The following ABHD2 variants were observed in gnomAD, a reference collection of about 807,000 sequenced individuals.
The protein encoded by ABHD2 is abhydrolase domain containing 2, acylglycerol lipase, also known as monoacylglycerol lipase ABHD2.
In ABHD2, 20 loss-of-function variants were observed where a neutral mutation model predicts 48.1. The ratio of observed to expected loss-of-function variants is 0.42; its 90% CI spans 0.29 to 0.60. ABHD2 has a LOEUF of 0.60. Among genes scored for constraint, ABHD2 ranks in the 20% least tolerant of loss-of-function variants. The pLI is 0.24. For missense variants in ABHD2, 405 were observed against 550.9 expected (o/e 0.74, Z 2.65); for synonymous variants, 209 against 214.2 (o/e 0.98, Z 0.21).
At chr15:89,194,854 C>T (rs576403611) in intron 10 of ABHD2, among the ~76,000 whole-genome samples, 182 of 152,294 alleles carry the variant, frequency 1.2e-3, no homozygotes, top group Non-Finnish European at 2.2e-3. Flanking sequence ...ATTCCCTTCC[C>T]TCACTCCTCT....
rs558995214 is a variant in ABHD2 at position 89,164,344 on chromosome 15, A to G, written c.538+8810A>G. Among the ~76,000 whole-genome samples the G allele has an allele frequency of 2.6e-5, 4 of 152,246 alleles. No individual in the cohort carries two copies. The highest frequency in any genetic ancestry group is 9.6e-5 in the African/African-American group (4 of 41,550). On this transcript the variant is annotated intron_variant, in intron 5 of 10. Transcript: ENST00000352732. The surrounding 1 kb of genome is among the most constrained non-coding windows in gnomAD (Gnocchi z 5.0). ...CCAGATCTGCATTTCTAATTTTTAT[A>G]TTATTGTGTGTTAATCTCCTCCATC...
At chr15:89,058,580 AGGG>A in the ABHD2 span, among the ~76,000 whole-genome samples, 1 of 152,106 alleles carries the variant, frequency 6.6e-6, no homozygotes, top group African/African-American at 2.4e-5. Flanking sequence ...CTCTGGGCCC[AGGG>A]GATGGGGACA....
chr15:89,152,062 A>G (rs2050600149), intron 4 of ABHD2, among the ~76,000 whole-genome samples: 1 of 149,414 alleles, frequency 6.7e-6, no homozygotes, highest in Admixed American at 6.8e-5. Flanking sequence ...GCTCTTCAGA[A>G]CTCATTGTAG....
At chr15:89,062,777 A>C in the ABHD2 span, among the ~76,000 whole-genome samples, 1 of 152,164 alleles carries the variant, frequency 6.6e-6, no homozygotes. Flanking sequence ...GCAGTTTCAG[A>C]AGCTGTTCGA....
At chr15:89,119,658 C>T (rs1024755771) in intron 3 of ABHD2, among the ~76,000 whole-genome samples, 1 of 152,112 alleles carries the variant, frequency 6.6e-6, no homozygotes, top group Non-Finnish European at 1.5e-5. Flanking sequence ...GGGAAGTGAA[C>T]AGGGACTTTT....
Position 89,200,939 on chromosome 15 carries a change from GGGT to G in ABHD2, c.*5518_*5520del, listed in dbSNP as rs898587404. 1.1e-5 allele frequency: 5 copies of G among 457,680 alleles called. No homozygotes were observed. Among genetic ancestry groups the G allele is most frequent in the African/African-American group, 1.0e-4 (5 of 48,904 alleles). The allele number at this position is 457,680 out of a possible 1,614,324, so 28.4% of individuals were successfully genotyped here. On this transcript the variant is annotated 3_prime_UTR_variant, in exon 11 of 11. Coordinates refer to ENST00000352732, the MANE Select transcript of ABHD2 (RefSeq NM_152924.5). ...TCTACTAAAAATGCAAAAATTAGCTGGGTGTGGTGGCGGGCGCCTGTAATCCCA... is the reference window on the plus strand; with the variant it reads ...TCTACTAAAAATGCAAAAATTAGCTGGTGGTGGCGGGCGCCTGTAATCCCA...
the ABHD2 span, among the ~76,000 whole-genome samples, chr15:89,053,713 C>G: frequency 6.6e-6 from 1 of 152,176 alleles, no homozygotes. Flanking sequence ...AGCAGAGACT[C>G]AAGGGTGAAT....
Position 89,188,197 on chromosome 15 carries a change from G to A in ABHD2, c.820G>A (p.Ala274Thr), listed in dbSNP as rs116127688. ...MKKIILSHRQ[A>T]LFGDHVKKPQ... Reference sequence around the variant, plus strand: ...TTGCTTTTGTGTTTGCTCTAGGCAAGCTCTTTTTGGAGACCATGTTAAGAA... The same window carrying A: ...TTGCTTTTGTGTTTGCTCTAGGCAAACTCTTTTTGGAGACCATGTTAAGAA... Residue 274 changes from alanine (A) to threonine (T), a missense_variant, in exon 8 of 11, where the codon GCT becomes ACT. Transcript: ENST00000352732. This position sits in a 1 kb window ranked among gnomAD's most constrained non-coding sequence, Gnocchi z 4.1. 432 of 1,614,130 alleles carry A rather than the reference G, an allele frequency of 2.7e-4. 1 individual carries two copies. The African/African-American group carries it at 5.4e-3, about 20-fold the overall frequency.
chr15:89,055,577 C>T, the ABHD2 span, among the ~76,000 whole-genome samples: 4 of 152,198 alleles, frequency 2.6e-5, no homozygotes, highest in South Asian at 2.1e-4. Context: ...ACAAGCGATC[C>T]GCTGGCCTCG....
At chr15:89,183,914 G>T (rs1489393746) in intron 6 of ABHD2, among the ~76,000 whole-genome samples, 1 of 152,166 alleles carries the variant, frequency 6.6e-6, no homozygotes, top group Non-Finnish European at 1.5e-5. Flanking sequence ...GAGGCAGCTG[G>T]TTGTGGCTCG....
At position 89,114,176 on chromosome 15, in the gene ABHD2, A is replaced by C. The variant is rs2049918751; in HGVS notation, c.-7+352A>C. On this transcript the variant is annotated intron_variant, in intron 2 of 10. Transcript: ENST00000352732. The surrounding 1 kb of genome is among the most constrained non-coding windows in gnomAD (Gnocchi z 4.2). ...TTGGCATCCGTGGCAGGGTTTGGAC[A>C]AGGTGAGGAATGGCAGCCACAGGTT... 6.6e-6 allele frequency among the ~76,000 whole-genome samples: 1 copy of C among 152,200 alleles called. No individual in the cohort carries two copies. Among genetic ancestry groups the C allele is most frequent in the African/African-American group, 2.4e-5 (1 of 41,448 alleles).
chr15:89,115,409 T>C (rs1310012874), intron 2 of ABHD2, among the ~76,000 whole-genome samples: 1 of 134,910 alleles, frequency 7.4e-6, no homozygotes, highest in East Asian at 2.0e-4. Context: ...TGTGTGTGTG[T>C]GTGTGTGTGT....
chr15:89,095,342 C>T (rs1001879071), intron 1 of ABHD2, among the ~76,000 whole-genome samples: 2 of 152,166 alleles, frequency 1.3e-5, no homozygotes, highest in Non-Finnish European at 1.5e-5. Flanking sequence ...CAGCATTTGG[C>T]GGGGCTTTGC....
intron 3 of ABHD2, among the ~76,000 whole-genome samples, chr15:89,139,945 G>A (rs1056687185): frequency 2.0e-5 from 3 of 152,198 alleles, no homozygotes; most frequent in African/African-American, 7.2e-5. Flanking sequence ...GTGTGCAGTT[G>A]TCTGGAGCAG....
chr15:89,060,559 C>A, the ABHD2 span, among the ~76,000 whole-genome samples: 10 of 152,152 alleles, frequency 6.6e-5, no homozygotes, highest in South Asian at 2.1e-3. Context: ...AACAAAAAGA[C>A]AAAACATAGG....
intron 3 of ABHD2, among the ~76,000 whole-genome samples, chr15:89,148,976 G>A (rs1222879669): frequency 6.6e-6 from 1 of 151,774 alleles, no homozygotes; most frequent in Non-Finnish European, 1.5e-5. Flanking sequence ...TTTTTTTCTT[G>A]TGGTCTGTGG....
At chr15:89,191,281 G>C (rs2051300318) in intron 9 of ABHD2, 132 bp downstream of exon 9, 3 of 847,160 alleles carry the variant, frequency 3.5e-6, no homozygotes, top group Admixed American at 2.6e-5. Flanking sequence ...TTTTAGCTTG[G>C]ATTTGTTTAT....
At chr15:89,154,231 G>A (rs1475059231) in intron 4 of ABHD2, among the ~76,000 whole-genome samples, 1 of 152,114 alleles carries the variant, frequency 6.6e-6, no homozygotes, top group East Asian at 1.9e-4. Context: ...GAATACAGAC[G>A]TGTGCCACTA....
rs1901638925 is a variant in ABHD2, at chr15:89,092,566, G to A, written c.-107+4003G>A. Among the ~76,000 whole-genome samples, 1 of 152,208 alleles carries A rather than the reference G, an allele frequency of 6.6e-6. No homozygotes were observed. The highest frequency in any genetic ancestry group is 2.1e-4 in the South Asian group (1 of 4,836). On this transcript the variant is annotated intron_variant, in intron 1 of 10. Transcript: ENST00000352732. This position sits in a 1 kb window ranked among gnomAD's most constrained non-coding sequence, Gnocchi z 4.4. ...TTTTAAAGGCACAAAAGGTTAACTAGTAAATACATCTGTGTGTACCCCTGA... is the reference window on the plus strand; with the variant it reads ...TTTTAAAGGCACAAAAGGTTAACTAATAAATACATCTGTGTGTACCCCTGA...
Sources: allele counts gnomAD v4.1 joint callset (sites outside exome capture counted in the v4.1 genomes callset), GRCh38; gene constraint gnomAD v4.1.1; non-coding constraint Gnocchi (gnomAD v3.1); transcripts MANE v1.5; gene names NCBI Gene and HGNC (gene_info 2026-07-23, HGNC 2026-07-21).